The following DNAH8 variants were observed in gnomAD, a reference collection of about 807,000 sequenced individuals.
The protein encoded by DNAH8 is dynein axonemal heavy chain 8.
Under a neutral mutation model 562.1 loss-of-function variants are expected in DNAH8, and 382 were observed. The observed-to-expected ratio is 0.68, with a 90% CI of 0.63 to 0.74. DNAH8 has a LOEUF of 0.74. DNAH8 is among the 30% of genes least tolerant of loss of function. DNAH8 has a pLI of 0.00. For synonymous variants in DNAH8, 1,881 were observed against 1,919.4 expected (o/e 0.98, Z 0.52); for missense variants, 5,203 against 5,620.4 (o/e 0.93, Z 2.37).
In DNAH8 at chr6:38,722,925, T is replaced by C. The variant is rs1272457190; in HGVS notation, c.116T>C (p.Val39Ala). 6.2e-7 allele frequency: 1 copy of C among 1,612,658 alleles called. No homozygotes were observed. Among genetic ancestry groups the C allele is most frequent in the Admixed American group, 1.7e-5 (1 of 59,996 alleles). ...EEEEAPRPPT[V>A]EAPAEDGFSP... is the part of the protein sequence containing the mutation. ...GAAGAGGCCCCGCGCCCTCCGACAG[T>C]GGAGGCCCCGGCAGAAGATGGTTTC... Residue 39 changes from valine to alanine, a missense_variant, in exon 2 of 93, where the codon GTG becomes GCG. Transcript: ENST00000327475.
In DNAH8 at chr6:38,973,823, T is replaced by G; in HGVS notation, c.12678+10T>G. On this transcript the variant is annotated intron_variant, in intron 84 of 92. Transcript: ENST00000327475. ...AATTACATTGCTTCAGGTTTGTTAC[T>G]AAACGTCTTTTCATCGAGAGTCATA... is the stretch of plus-strand genomic sequence containing the variant. 1 of 1,586,450 alleles carries G rather than the reference T, an allele frequency of 6.3e-7. No individual in the cohort carries two copies.
rs971564534 is a variant in DNAH8 at position 38,994,496 on chromosome 6, C to T, written c.13214+4324C>T. On this transcript the variant is annotated intron_variant, in intron 88 of 92. Coordinates refer to ENST00000327475, the MANE Select transcript of DNAH8 (RefSeq NM_001206927.2). ...CCTCATCAGGGTATAAAGGAATCAT[C>T]TACATTTTTTTTTTTTTTAGTGCTT... Among the ~76,000 whole-genome samples, 14 of 100,316 alleles carry T rather than the reference C, an allele frequency of 1.4e-4. No homozygotes were observed. The Admixed American group carries it at 1.8e-3, about 13-fold the overall frequency. 65.8% of individuals were successfully genotyped at this position (100,316 alleles called of 152,430 possible).
intron 12 of DNAH8, among the ~76,000 whole-genome samples, chr6:38,775,089 C>A (rs1333503455): frequency 6.6e-6 from 1 of 152,158 alleles, no homozygotes; most frequent in South Asian, 2.1e-4. Flanking sequence ...GCCATTGGAC[C>A]AGCCCTGGAG....
chr6:38,901,511 G>A (rs933836726), intron 62 of DNAH8, among the ~76,000 whole-genome samples: 1 of 152,098 alleles, frequency 6.6e-6, no homozygotes, highest in African/African-American at 2.4e-5. Context: ...TGACTATATA[G>A]TCTCCTCCAC....
At position 38,849,865 on chromosome 6, in the gene DNAH8, A is replaced by G. The variant is rs1775605382; in HGVS notation, c.5200-386A>G. Among the ~76,000 whole-genome samples, 3 of 152,070 alleles carry G rather than the reference A, an allele frequency of 2.0e-5. No homozygotes were observed. The South Asian group carries it at 6.2e-4, about 31-fold the overall frequency. ...GTACTATTGAGCTGTAATTATTCCA[A>G]GGATCCTGAGATCAAATTATTTTCA... is the stretch of plus-strand genomic sequence containing the variant. On this transcript the variant is annotated intron_variant, in intron 37 of 92. Transcript: ENST00000327475.
chr6:38,861,757 C>T (rs1467123086), intron 43 of DNAH8, among the ~76,000 whole-genome samples: 2 of 152,130 alleles, frequency 1.3e-5, no homozygotes, highest in Non-Finnish European at 2.9e-5. Flanking sequence ...TGGTCTTGAA[C>T]TCCTGACCTC....
At chr6:38,873,751 CA>C (rs1777664676) in intron 52 of DNAH8, among the ~76,000 whole-genome samples, 1 of 119,450 alleles carries the variant, frequency 8.4e-6, no homozygotes, top group Non-Finnish European at 1.8e-5. Context: ...CACACACACA[CA>C]CACACACACA....
chr6:38,860,295 CTTTG>C (rs1447564180), intron 42 of DNAH8, among the ~76,000 whole-genome samples, 158 bp from the exon 43 acceptor site: 2 of 152,116 alleles, frequency 1.3e-5, no homozygotes, highest in African/African-American at 4.8e-5. Flanking sequence ...CCATCTCTGT[CTTTG>C]TTTGCCTAGC....
intron 76 of DNAH8, among the ~76,000 whole-genome samples, chr6:38,933,825 T>C (rs1782744642): frequency 6.6e-6 from 1 of 151,762 alleles, no homozygotes; most frequent in Non-Finnish European, 1.5e-5. Context: ...ACCCTTGTTA[T>C]TCAGAGTTCA....
chr6:38,961,527 A>G (rs1762602572), intron 82 of DNAH8, among the ~76,000 whole-genome samples: 1 of 152,052 alleles, frequency 6.6e-6, no homozygotes, highest in East Asian at 1.9e-4. Context: ...GTTGGAACAC[A>G]TGGGCAAATA....
chr6:38,874,561 G>A (rs1266370559), intron 52 of DNAH8, among the ~76,000 whole-genome samples: 1 of 150,778 alleles, frequency 6.6e-6, no homozygotes, highest in African/African-American at 2.4e-5. Context: ...ATAGAGACAG[G>A]GTCTCTGTAT....
At chr6:38,843,509 C>T (rs892508311) in intron 35 of DNAH8, among the ~76,000 whole-genome samples, 1 of 152,050 alleles carries the variant, frequency 6.6e-6, no homozygotes, top group African/African-American at 2.4e-5. Flanking sequence ...ATTATTTAAA[C>T]ATTTTTCATT....
intron 71 of DNAH8, among the ~76,000 whole-genome samples, chr6:38,922,331 C>T (rs1209155376): frequency 6.6e-6 from 1 of 151,852 alleles, no homozygotes; most frequent in Non-Finnish European, 1.5e-5. Flanking sequence ...GGTGTAAATA[C>T]TCCCATCACT....
intron 57 of DNAH8, among the ~76,000 whole-genome samples, chr6:38,888,004 T>A (rs1458215688): frequency 6.6e-6 from 1 of 151,688 alleles, no homozygotes; most frequent in Non-Finnish European, 1.5e-5. Context: ...ACCCGGCTAA[T>A]TTTTTTGTAT....
intron 88 of DNAH8, among the ~76,000 whole-genome samples, chr6:38,992,290 T>C (rs916548071): frequency 2.6e-5 from 4 of 152,194 alleles, no homozygotes; most frequent in African/African-American, 7.2e-5. Context: ...CTTTAATTAC[T>C]GATTTGTTAT....
chr6:38,850,358 A>C lies in DNAH8; in HGVS notation c.5307A>C (p.Gly1769=). 6.2e-7 allele frequency: 1 copy of C among 1,613,754 alleles called. No homozygotes were observed. Among genetic ancestry groups the C allele is most frequent in the Non-Finnish European group, 8.5e-7 (1 of 1,179,684 alleles). The change falls in exon 38 of 93, where the codon GGA becomes GGC. Residue 1769 remains glycine (G), a synonymous_variant. Coordinates refer to ENST00000327475, the MANE Select transcript of DNAH8 (RefSeq NM_001206927.2). ...INCCVGDETM[G]QLLPHLHEQL... ...GCTGTGTTGGAGATGAAACCATGGG[A>C]CAACTTTTACCTCATTTACATGAGC...
intron 82 of DNAH8, among the ~76,000 whole-genome samples, chr6:38,970,210 C>A (rs904456612): frequency 2.0e-5 from 3 of 152,128 alleles, no homozygotes; most frequent in Non-Finnish European, 4.4e-5. Context: ...ACTTTTTGAG[C>A]CTATCACTTT....
intron 91 of DNAH8, among the ~76,000 whole-genome samples, chr6:39,020,178 A>G (rs928086790): frequency 3.9e-5 from 6 of 152,290 alleles, no homozygotes; most frequent in Non-Finnish European, 5.9e-5. Flanking sequence ...TTTATACCGA[A>G]GTTTTACTGG....
At chr6:38,786,999 T>TA (rs763338007) in intron 18 of DNAH8, 47 bp downstream of exon 18, 174 of 1,270,706 alleles carry the variant, frequency 1.4e-4, no homozygotes, top group South Asian at 9.5e-4. Flanking sequence ...AGTTTTTTGG[T>TA]AAAAAAAATA....
Sources: allele counts gnomAD v4.1 joint callset (sites outside exome capture counted in the v4.1 genomes callset), GRCh38; gene constraint gnomAD v4.1.1; transcripts MANE v1.5; gene names NCBI Gene and HGNC (gene_info 2026-07-23, HGNC 2026-07-21).